COL4A5: variants seen among roughly 807,000 people sequenced by gnomAD.
The protein encoded by COL4A5 is collagen type IV alpha 5 chain.
A neutral mutation model predicts 130.2 loss-of-function variants in COL4A5; 26 were observed. That is an observed-to-expected ratio of 0.20 (90% CI 0.15 to 0.28). COL4A5 has a LOEUF of 0.28. Ranked by LOEUF, COL4A5 falls within the 10% of genes least tolerant of loss-of-function variation. The pLI is 1.00. For missense variants in COL4A5, 1,131 were observed against 1,344.3 expected, an observed-to-expected ratio of 0.84 and a Z score of 2.48; for synonymous variants, 496 against 439.6, an observed-to-expected ratio of 1.13 and a Z score of -1.60.
chrX:108,507,355 A>T (rs2065135721), intron 1 of COL4A5, among the ~76,000 whole-genome samples: 1 of 111,702 alleles, frequency 9.0e-6, no homozygotes, highest in African/African-American at 3.3e-5. Flanking sequence ...TAGCAGCACA[A>T]CAAAAAGCTA....
In COL4A5 at chrX:108,578,314, A is replaced by G. The variant is rs1196020344; in HGVS notation, c.711A>G (p.Pro237=). The change falls in exon 13 of 53, where the codon CCA becomes CCG. Residue 237 remains proline, a synonymous_variant. Coordinates refer to ENST00000328300, the MANE Select transcript of COL4A5 (RefSeq NM_033380.3). ...AGGGTGAGCAAGGTCTTCAGGGCCCACCTGGGCCACCTGGGCAGATCAGTG... is the reference window on the plus strand; with the variant it reads ...AGGGTGAGCAAGGTCTTCAGGGCCCGCCTGGGCCACCTGGGCAGATCAGTG... ...GEKGEQGLQG[P]PGPPGQISEQ... The G allele has an allele frequency of 8.3e-7, 1 of 1,208,896 alleles. No individual in the cohort carries two copies. Among genetic ancestry groups the G allele is most frequent in the Non-Finnish European group, 1.1e-6 (1 of 894,261 alleles).
chrX:108,680,333 G>T (rs749806042), intron 44 of COL4A5, among the ~76,000 whole-genome samples: 13 of 111,583 alleles, frequency 1.2e-4, no homozygotes, highest in Non-Finnish European at 2.1e-4. Flanking sequence ...CGGCCAGTTG[G>T]TTGTGTTTTA....
At chrX:108,580,504 T>C (rs1569490890) in intron 13 of COL4A5, 29 bp from the exon 14 acceptor site, 1 of 1,162,139 alleles carries the variant, frequency 8.6e-7, no homozygotes, top group Non-Finnish European at 1.2e-6. Context: ...AGTATTAACA[T>C]TGATTTCCTT....
intron 1 of COL4A5, among the ~76,000 whole-genome samples, chrX:108,445,629 C>G (rs1436673735): frequency 9.0e-6 from 1 of 111,433 alleles, no homozygotes; most frequent in Admixed American, 9.6e-5. Context: ...AATATTTAGC[C>G]TCTCCCAGTT....
intron 6 of COL4A5, 23 bp downstream of exon 6, chrX:108,568,844 T>C (rs1452075038): frequency 1.7e-6 from 2 of 1,158,364 alleles, no homozygotes; most frequent in Non-Finnish European, 2.4e-6. Context: ...CATTTAATCT[T>C]GGGTAGTATA....
chrX:108,588,988 T>C (rs1024910468), intron 19 of COL4A5, among the ~76,000 whole-genome samples: 1 of 111,427 alleles, frequency 9.0e-6, no homozygotes, highest in African/African-American at 3.2e-5. Flanking sequence ...AAAAGGGAAT[T>C]CTGGATAAAA....
chrX:108,508,728 A>G (rs772309623), intron 1 of COL4A5, among the ~76,000 whole-genome samples: 2 of 111,216 alleles, frequency 1.8e-5, no homozygotes, highest in South Asian at 3.8e-4. Flanking sequence ...ACATAGACCA[A>G]TGGAACATAA....
rs977048497 is a variant in COL4A5, at chrX:108,697,055, G to T, written c.*677G>T. 1.8e-5 allele frequency: 2 copies of T among 111,086 alleles called. No individual in the cohort carries two copies. Among genetic ancestry groups the T allele is most frequent in the African/African-American group, 6.5e-5 (2 of 30,591 alleles). The allele number at this position is 111,086 out of a possible 1,213,427, so 9.2% of individuals were successfully genotyped here. Reference sequence around the variant, plus strand: ...AGTTTTATCCCGTAAGTTCTGTTTTGATTTTTTTTAAAAAACAAACCCTTT... The same window carrying T: ...AGTTTTATCCCGTAAGTTCTGTTTTTATTTTTTTTAAAAAACAAACCCTTT... On this transcript the variant is annotated 3_prime_UTR_variant, in exon 53 of 53. Coordinates refer to ENST00000328300, the MANE Select transcript of COL4A5 (RefSeq NM_033380.3).
At position 108,657,482 on chromosome X, in the gene COL4A5, T is replaced by C. The variant is rs748714090; in HGVS notation, c.3373+2025T>C. On this transcript the variant is annotated intron_variant, in intron 37 of 52. Transcript: ENST00000328300. ...TTAAAGCTTGTCTTGGCTATTCTAATTTTTTTGCAGGGGAAATCAGTTTAT... is the reference window on the plus strand; with the variant it reads ...TTAAAGCTTGTCTTGGCTATTCTAACTTTTTTGCAGGGGAAATCAGTTTAT... 2.0e-4 allele frequency among the ~76,000 whole-genome samples: 22 copies of C among 111,787 alleles called. No homozygotes were observed. The South Asian group carries it at 7.6e-3, about 39-fold the overall frequency.
At chrX:108,578,885 G>C (rs1366504950) in intron 13 of COL4A5, among the ~76,000 whole-genome samples, 1 of 110,133 alleles carries the variant, frequency 9.1e-6, no homozygotes, top group Non-Finnish European at 1.9e-5. Flanking sequence ...TCACCATGTT[G>C]GCCAGACTGG....
Position 108,529,846 on chromosome X carries a change from C to G in COL4A5, c.82-9900C>G, listed in dbSNP as rs180796310. 1.2e-4 allele frequency among the ~76,000 whole-genome samples: 13 copies of G among 110,463 alleles called. 1 individual carries two copies. Among genetic ancestry groups the G allele is most frequent in the Admixed American group, 1.2e-3 (12 of 10,403 alleles). The stretch of plus-strand genomic sequence containing the variant: ...ATTATGTAATGATAAATGGAACAAT[C>G]CAGCAAGAAGATACGACAACTCCAA... On this transcript the variant is annotated intron_variant, in intron 1 of 52. Coordinates refer to ENST00000328300, the MANE Select transcript of COL4A5 (RefSeq NM_033380.3).
intron 1 of COL4A5, among the ~76,000 whole-genome samples, chrX:108,522,971 G>A (rs906941718): frequency 2.8e-5 from 3 of 106,416 alleles, no homozygotes; most frequent in Non-Finnish European, 5.8e-5. Flanking sequence ...TCCGCCTCCC[G>A]GGTTCAAGTG....
intron 41 of COL4A5, 144 bp downstream of exon 41, chrX:108,668,648 A>G: frequency 2.4e-6 from 1 of 415,701 alleles, no homozygotes; most frequent in Middle Eastern, 7.1e-4. Flanking sequence ...TTTGTGATAT[A>G]ACTTCTTACA....
chrX:108,689,851 C>T lies in COL4A5; in HGVS notation c.4528+2157C>T, dbSNP rs190175845. 8 of 752,091 alleles carry T rather than the reference C, an allele frequency of 1.1e-5. No individual in the cohort carries two copies. The African/African-American group carries it at 1.6e-4, about 15-fold the overall frequency. 62.0% of individuals were successfully genotyped at this position (752,091 alleles called of 1,213,427 possible). A position where few individuals can be genotyped will look rare whatever the true frequency, so the allele number is the denominator to read the frequency against. ...CCATTAGTCTATTAAAGTCTTATAA[C>T]TATGGGGTATAGAGGGCATTGGGAG... On this transcript the variant is annotated intron_variant, in intron 49 of 52. Coordinates refer to ENST00000328300, the MANE Select transcript of COL4A5 (RefSeq NM_033380.3).
chrX:108,595,490 G>T lies in COL4A5; in HGVS notation c.1424-19G>T. ...GTACCCCTTTCAGTAAAATTTGTTTGTTATTATGATTTCACTAGGTGACAA... is the reference window on the plus strand; with the variant it reads ...GTACCCCTTTCAGTAAAATTTGTTTTTTATTATGATTTCACTAGGTGACAA... On this transcript the variant is annotated intron_variant, in intron 21 of 52. Coordinates refer to ENST00000328300, the MANE Select transcript of COL4A5 (RefSeq NM_033380.3). The T allele has an allele frequency of 8.3e-7, 1 of 1,202,834 alleles. No homozygotes were observed. The highest frequency in any genetic ancestry group is 1.1e-6 in the Non-Finnish European group (1 of 887,298).
At chrX:108,649,203 C>G (rs778106985) in intron 36 of COL4A5, among the ~76,000 whole-genome samples, 1 of 110,689 alleles carries the variant, frequency 9.0e-6, no homozygotes, top group Non-Finnish European at 1.9e-5. Flanking sequence ...ACCAAGGAGA[C>G]GAAAGACCTC....
At chrX:108,523,401 A>C in intron 1 of COL4A5, among the ~76,000 whole-genome samples, 1 of 111,869 alleles carries the variant, frequency 8.9e-6, no homozygotes, top group Middle Eastern at 4.6e-3. Flanking sequence ...TATTCACCAT[A>C]GATGTATGGG....
intron 28 of COL4A5, among the ~76,000 whole-genome samples, chrX:108,603,673 T>C (rs1294633296): frequency 1.8e-5 from 2 of 111,570 alleles, no homozygotes; most frequent in African/African-American, 6.5e-5. Flanking sequence ...TTTTTTTAAA[T>C]AAGACAACAA....
intron 39 of COL4A5, 30 bp downstream of exon 39, chrX:108,666,624 T>C: frequency 9.1e-7 from 1 of 1,097,889 alleles, no homozygotes; most frequent in Non-Finnish European, 1.2e-6. Flanking sequence ...TTCCTATTTT[T>C]CTAATTTTCT....
Sources: gnomAD v4.1 joint callset for allele counts (sites outside exome capture counted in the v4.1 genomes callset) on GRCh38, gnomAD v4.1.1 for gene constraint, MANE v1.5 for transcripts, NCBI Gene and HGNC (gene_info 2026-07-23, HGNC 2026-07-21) for gene names.